The following WDR1 variants were observed in gnomAD, a reference collection of about 807,000 sequenced individuals.
The protein encoded by WDR1 is WD repeat domain 1.
Under a neutral mutation model 71.9 loss-of-function variants are expected in WDR1, and 21 were observed. The ratio of observed to expected loss-of-function variants is 0.29; its 90% CI spans 0.21 to 0.42. The LOEUF is 0.42. WDR1 is among the 10% of genes least tolerant of loss of function. The probability of loss-of-function intolerance (pLI) is 1.00; values close to 1 mark genes in which losing one functional copy is unlikely to be tolerated. For synonymous variants in WDR1, 424 were observed against 347.4 expected, an observed-to-expected ratio of 1.22 and a Z score of -2.45; for missense variants, 696 against 824.5, an observed-to-expected ratio of 0.84 and a Z score of 1.91.
At chr4:10,088,012 G>C in intron 7 of WDR1, 72 bp from the exon 8 acceptor site, 1 of 1,390,354 alleles carries the variant, frequency 7.2e-7, no homozygotes, top group Non-Finnish European at 9.8e-7. Flanking sequence ...AAAGCAGCTT[G>C]TCCACTGCGA....
In WDR1 at chr4:10,116,162, T is replaced by C; in HGVS notation, c.89A>G (p.Asn30Ser). The C allele has an allele frequency of 3.1e-6, 5 of 1,613,714 alleles. No individual in the cohort carries two copies. Among genetic ancestry groups the C allele is most frequent in the Non-Finnish European group, 4.2e-6 (5 of 1,179,812 alleles). Reference protein sequence around the residue: ...SKIIGGDPKGNNFLYTNGKCV... With the variant: ...SKIIGGDPKGSNFLYTNGKCV... The stretch of plus-strand genomic sequence containing the variant: ...CTTTCCATTGGTGTACAGAAAATTG[T>C]TGCCCTTAGGGTCGCCGCCGATGAT... The change falls in exon 2 of 15, where the codon AAC (asparagine) becomes AGC (serine). Residue 30 changes from asparagine to serine, a missense_variant. By Grantham distance (46) the Asn-to-Ser change is conservative (BLOSUM62 1). Transcript: ENST00000499869.
chr4:10,102,194 T>C (rs1712720480), intron 3 of WDR1, among the ~76,000 whole-genome samples: 1 of 152,184 alleles, frequency 6.6e-6, no homozygotes, highest in African/African-American at 2.4e-5. Context: ...ATGCTGGGCA[T>C]ATCCATGCCT....
intron 3 of WDR1, among the ~76,000 whole-genome samples, chr4:10,101,447 C>T (rs532863717): frequency 5.9e-5 from 9 of 152,196 alleles, no homozygotes; most frequent in African/African-American, 1.7e-4. Context: ...CTGCAGCAAA[C>T]GTTCCAATGT....
intron 3 of WDR1, among the ~76,000 whole-genome samples, chr4:10,103,120 C>G (rs1411910566): frequency 1.3e-5 from 2 of 152,174 alleles, no homozygotes; most frequent in East Asian, 1.9e-4. Context: ...TAGCCTCCCA[C>G]TGAGCCACAC....
chr4:10,098,228 TC>T lies in WDR1; in HGVS notation c.378-338del, dbSNP rs547552399. Among the ~76,000 whole-genome samples, 347 of 152,196 alleles carry T rather than the reference TC, an allele frequency of 2.3e-3. 1 individual carries two copies. The highest frequency in any genetic ancestry group is 4.1e-3 in the Admixed American group (63 of 15,298). On this transcript the variant is annotated intron_variant, in intron 4 of 14. Transcript: ENST00000499869. ...TTCTATTGGGAGGGAACAGTTACCA[TC>T]CCCTACAGGAATGAGATGCCCTGCT...
intron 5 of WDR1, chr4:10,093,178 C>T: frequency 7.8e-7 from 1 of 1,285,638 alleles, no homozygotes; most frequent in South Asian, 1.2e-5. Context: ...CCTACCTAGT[C>T]AGCTCAGGAA....
intron 12 of WDR1, among the ~76,000 whole-genome samples, 154 bp from the exon 13 acceptor site, chr4:10,078,080 C>T (rs1368283592): frequency 1.3e-5 from 2 of 152,196 alleles, no homozygotes; most frequent in African/African-American, 2.4e-5. Flanking sequence ...TGGCTCTTCC[C>T]GTGGATGGGC....
intron 2 of WDR1, among the ~76,000 whole-genome samples, chr4:10,111,311 G>A (rs757397726): frequency 6.6e-6 from 1 of 152,088 alleles, no homozygotes; most frequent in African/African-American, 2.4e-5. Context: ...CCGGCCCTTC[G>A]GTCCTCCCAG....
At chr4:10,090,645 C>T (rs1711908274) in intron 5 of WDR1, among the ~76,000 whole-genome samples, 1 of 152,248 alleles carries the variant, frequency 6.6e-6, no homozygotes. Context: ...CTGCCAAGAC[C>T]TGCTCACGGC....
intron 8 of WDR1, among the ~76,000 whole-genome samples, chr4:10,086,713 G>C (rs370596636): frequency 6.6e-6 from 1 of 152,334 alleles, no homozygotes; most frequent in African/African-American, 2.4e-5. Context: ...GAAGTGCTAG[G>C]GTTTGTCTCC....
rs1234615320 is a variant in WDR1 at position 10,103,979 on chromosome 4, G to A, written c.146C>T (p.Ala49Val). The change falls in exon 3 of 15, where the codon GCC (alanine) becomes GTC (valine). Residue 49 changes from alanine (A) to valine (V), a missense_variant. Transcript: ENST00000499869. ...CVILRNIDNP[A>V]LADIYTEHAH... ...GTGCTCTGTGTAGATGTCAGCAAGG[G>A]CTGGGTTCTGCAGGAGGAGACCCCG... 1 of 1,597,844 alleles carries A rather than the reference G, an allele frequency of 6.3e-7. No homozygotes were observed. The highest frequency in any genetic ancestry group is 1.7e-5 in the Admixed American group (1 of 57,780).
intron 5 of WDR1, among the ~76,000 whole-genome samples, chr4:10,090,470 G>C (rs561338926): frequency 4.6e-5 from 7 of 152,336 alleles, no homozygotes; most frequent in Non-Finnish European, 1.0e-4. Flanking sequence ...AGTTCTCGTA[G>C]AGAGGCCACT....
chr4:10,081,667 G>GT (rs1175450773), intron 10 of WDR1, among the ~76,000 whole-genome samples: 2 of 136,366 alleles, frequency 1.5e-5, no homozygotes, highest in East Asian at 2.5e-4. Context: ...GAGGGGTGGG[G>GT]GGGGGGGAAG....
chr4:10,104,307 G>A (rs557610913), intron 2 of WDR1, among the ~76,000 whole-genome samples: 115 of 152,280 alleles, frequency 7.6e-4, no homozygotes, highest in Non-Finnish European at 1.5e-3. Context: ...CACAAAAGGT[G>A]GATTAGAGCA....
intron 10 of WDR1, 50 bp downstream of exon 10, chr4:10,082,972 G>A (rs771034698): frequency 9.6e-6 from 15 of 1,569,138 alleles, no homozygotes; most frequent in East Asian, 6.8e-5. Context: ...CAAGCCCTCC[G>A]AGGGGAGCTG....
intron 5 of WDR1, chr4:10,096,179 C>T (rs1350250567): frequency 6.6e-6 from 1 of 152,216 alleles, no homozygotes; most frequent in Admixed American, 6.5e-5. Context: ...GGGTTTAATG[C>T]ACAGCTGCAG....
At chr4:10,087,673 C>T in intron 8 of WDR1, 34 bp downstream of exon 8, 1 of 1,535,010 alleles carries the variant, frequency 6.5e-7, no homozygotes, top group Non-Finnish European at 8.8e-7. Context: ...CCTGTCCACC[C>T]AGCGGGCAGA....
At chr4:10,089,685 G>A (rs560044712) in intron 5 of WDR1, among the ~76,000 whole-genome samples, 1 of 152,344 alleles carries the variant, frequency 6.6e-6, no homozygotes, top group African/African-American at 2.4e-5. Flanking sequence ...TCTTGGCACA[G>A]GAAGGGCTCG....
rs868570516 is a variant in WDR1, at chr4:10,081,667, G to T, written c.1197-223C>A. Among the ~76,000 whole-genome samples the T allele has an allele frequency of 8.8e-3, 1,200 of 136,446 alleles. 13 individuals carry two copies. The highest frequency in any genetic ancestry group is 0.03 in the African/African-American group (1,139 of 37,508). The allele number at this position is 136,446 out of a possible 152,430, so 89.5% of individuals were successfully genotyped here. On this transcript the variant is annotated intron_variant, in intron 10 of 14. Transcript: ENST00000499869. ...TAATGGGGGCCCGGGGAGGGGTGGGGGGGGGGGAAGGAGGGGCGGGAGGCG... is the reference window on the plus strand; with the variant it reads ...TAATGGGGGCCCGGGGAGGGGTGGGTGGGGGGGAAGGAGGGGCGGGAGGCG...
Sources: allele counts gnomAD v4.1 joint callset (sites outside exome capture counted in the v4.1 genomes callset), GRCh38; gene constraint gnomAD v4.1.1; transcripts MANE v1.5; gene names NCBI Gene and HGNC (gene_info 2026-07-23, HGNC 2026-07-21).